Variants in GNAL observed in about 807,000 individuals in gnomAD.
The protein encoded by GNAL is G protein subunit alpha L, also known as guanine nucleotide-binding protein G(olf) subunit alpha.
Under a neutral mutation model 55.1 loss-of-function variants are expected in GNAL, and 18 were observed. The observed-to-expected ratio is 0.33, with a 90% CI of 0.23 to 0.48. GNAL has a LOEUF of 0.48. Among genes scored for constraint, GNAL ranks in the 20% least tolerant of loss-of-function variants. The pLI, the probability that GNAL is intolerant of heterozygous loss-of-function variation, is 0.99. For missense variants in GNAL, 412 were observed against 614.1 expected, an observed-to-expected ratio of 0.67 and a Z score of 3.48; for synonymous variants, 253 against 237.0, an observed-to-expected ratio of 1.07 and a Z score of -0.62.
intron 4 of GNAL, among the ~76,000 whole-genome samples, chr18:11,803,252 C>A (rs1444593836): frequency 6.6e-6 from 1 of 152,162 alleles, no homozygotes; most frequent in Non-Finnish European, 1.5e-5. Context: ...TCCCCACAGC[C>A]CCTGGCAACG....
chr18:11,846,464 TACAC>T (rs57334090), intron 5 of GNAL, among the ~76,000 whole-genome samples: 8,194 of 139,994 alleles, frequency 0.059, 373 homozygotes, highest in African/African-American at 0.12. Context: ...TATATAAATA[TACAC>T]ACACACACAC....
At chr18:11,876,924 C>T (rs1219820500) in intron 11 of GNAL, among the ~76,000 whole-genome samples, 1 of 152,190 alleles carries the variant, frequency 6.6e-6, no homozygotes, top group Non-Finnish European at 1.5e-5. Flanking sequence ...ACACAGCGTT[C>T]CAGGGAATGG....
chr18:11,719,935 G>A (rs893182510), intron 1 of GNAL, among the ~76,000 whole-genome samples: 4 of 152,254 alleles, frequency 2.6e-5, no homozygotes, highest in African/African-American at 9.6e-5. Flanking sequence ...TGGGAGGTTG[G>A]TGGACCACAC....
At chr18:11,790,078 T>C (rs2034185978) in intron 4 of GNAL, among the ~76,000 whole-genome samples, 1 of 152,228 alleles carries the variant, frequency 6.6e-6, no homozygotes, top group Non-Finnish European at 1.5e-5. Flanking sequence ...GGAAGGGTGC[T>C]GTTGTTCTTA....
At chr18:11,842,288 G>A (rs928817362) in intron 5 of GNAL, among the ~76,000 whole-genome samples, 1 of 152,036 alleles carries the variant, frequency 6.6e-6, no homozygotes, top group African/African-American at 2.4e-5. Flanking sequence ...GCCTAGTTCA[G>A]ATATCTTATA....
intron 1 of GNAL, among the ~76,000 whole-genome samples, chr18:11,738,182 C>T (rs1040941201): frequency 6.6e-6 from 1 of 152,314 alleles, no homozygotes; most frequent in Non-Finnish European, 1.5e-5. Flanking sequence ...CTCTGGCTGC[C>T]GGGCTCCCAA....
intron 4 of GNAL, among the ~76,000 whole-genome samples, chr18:11,782,533 A>G (rs1309867854): frequency 3.3e-5 from 5 of 152,208 alleles, no homozygotes; most frequent in Non-Finnish European, 7.3e-5. Flanking sequence ...AGACAGAATG[A>G]TAGTCGTAAC....
At chr18:11,831,950 T>G (rs992710530) in intron 5 of GNAL, among the ~76,000 whole-genome samples, 2 of 152,218 alleles carry the variant, frequency 1.3e-5, no homozygotes, top group African/African-American at 4.8e-5. Flanking sequence ...AAATACTGTG[T>G]TTTCTGTAAA....
At chr18:11,697,319 C>T (rs903102536) in intron 1 of GNAL, among the ~76,000 whole-genome samples, 94 of 152,036 alleles carry the variant, frequency 6.2e-4, no homozygotes, top group African/African-American at 1.9e-3. Flanking sequence ...GGGCAGGTCA[C>T]CTGAGGTCAG....
intron 1 of GNAL, among the ~76,000 whole-genome samples, chr18:11,712,565 T>G (rs1156618016): frequency 1.3e-5 from 2 of 152,234 alleles, no homozygotes; most frequent in Non-Finnish European, 2.9e-5. Context: ...AAAATAAAAT[T>G]GTATTATTAC....
At chr18:11,816,608 T>A (rs543712600) in intron 4 of GNAL, among the ~76,000 whole-genome samples, 46 of 152,030 alleles carry the variant, frequency 3.0e-4, no homozygotes, top group African/African-American at 9.4e-4. Context: ...TAATTTTTTT[T>A]AAAAAGGCCA....
intron 1 of GNAL, among the ~76,000 whole-genome samples, chr18:11,731,544 A>G (rs1316112642): frequency 1.3e-5 from 2 of 152,244 alleles, no homozygotes; most frequent in Non-Finnish European, 2.9e-5. Flanking sequence ...TTAGTTTACG[A>G]TAGGTCGAAT....
intron 4 of GNAL, among the ~76,000 whole-genome samples, chr18:11,792,662 A>G (rs1225627638): frequency 6.6e-6 from 1 of 152,252 alleles, no homozygotes; most frequent in East Asian, 1.9e-4. Flanking sequence ...GCAGTATCCT[A>G]GCTCCTAGCA....
At chr18:11,715,554 G>A (rs978703703) in intron 1 of GNAL, among the ~76,000 whole-genome samples, 1 of 152,010 alleles carries the variant, frequency 6.6e-6, no homozygotes, top group Non-Finnish European at 1.5e-5. Flanking sequence ...AGGCTTTGTT[G>A]AGAAAGTGGA....
chr18:11,785,797 A>G (rs1465941376), intron 4 of GNAL, among the ~76,000 whole-genome samples: 1 of 152,154 alleles, frequency 6.6e-6, no homozygotes, highest in Non-Finnish European at 1.5e-5. Context: ...GGCCTCGGCC[A>G]TGAATGGGTT....
At chr18:11,788,521 G>A (rs995134554) in intron 4 of GNAL, among the ~76,000 whole-genome samples, 4 of 152,066 alleles carry the variant, frequency 2.6e-5, no homozygotes, top group African/African-American at 9.7e-5. Context: ...TCCTTTTTAT[G>A]TTTACAATTC....
intron 5 of GNAL, among the ~76,000 whole-genome samples, chr18:11,827,623 A>T (rs1320185021): frequency 6.7e-6 from 1 of 149,728 alleles, no homozygotes; most frequent in Non-Finnish European, 1.5e-5. Flanking sequence ...AAAAAATGAA[A>T]ATTAAAAAAT....
intron 1 of GNAL, among the ~76,000 whole-genome samples, chr18:11,738,592 C>T (rs1006695375): frequency 2.0e-5 from 3 of 152,104 alleles, no homozygotes; most frequent in Non-Finnish European, 4.4e-5. Flanking sequence ...GGATTACAGG[C>T]GCCCACCACC....
rs2036779775 is a variant in GNAL at position 11,883,601 on chromosome 18, A to AAAT, written c.*2467_*2469dup. The AAAT allele has an allele frequency of 6.5e-6, 1 of 153,576 alleles. No individual in the cohort carries two copies. The highest frequency in any genetic ancestry group is 1.5e-5 in the Non-Finnish European group (1 of 68,042). 9.5% of individuals were successfully genotyped at this position (153,576 alleles called of 1,614,324 possible). A position where few individuals can be genotyped will look rare whatever the true frequency, so the allele number is the denominator to read the frequency against. On this transcript the variant is annotated 3_prime_UTR_variant, in exon 12 of 12. Transcript: ENST00000334049. The stretch of plus-strand genomic sequence containing the variant: ...GTAGCAACGTGGTCTCCTATAGAGA[A>AAAT]AATTACACTTATCTAAAAATCTGAT...
Sources: gnomAD v4.1 joint callset for allele counts (sites outside exome capture counted in the v4.1 genomes callset) on GRCh38, gnomAD v4.1.1 for gene constraint, MANE v1.5 for transcripts, NCBI Gene and HGNC (gene_info 2026-07-23, HGNC 2026-07-21) for gene names.